The following MAD2L1 variants were observed in gnomAD, a reference collection of about 807,000 sequenced individuals.
The protein encoded by MAD2L1 is mitotic arrest deficient 2 like 1.
MAD2L1 carries 10 observed loss-of-function variants against 25.9 expected under a neutral mutation model. That is an observed-to-expected ratio of 0.39 (90% confidence interval 0.24 to 0.66). The LOEUF (loss-of-function observed/expected upper bound fraction) is 0.66. Among genes scored for constraint, MAD2L1 ranks in the 30% least tolerant of loss-of-function variants. The pLI is 0.49. For missense variants in MAD2L1, 180 were observed against 246.4 expected (o/e 0.73, Z 1.80); for synonymous variants, 81 against 91.8 (o/e 0.88, Z 0.67).
intron 2 of MAD2L1, among the ~76,000 whole-genome samples, chr4:120,063,766 C>T (rs1460021150): frequency 6.6e-6 from 1 of 152,182 alleles, no homozygotes; most frequent in African/African-American, 2.4e-5. Flanking sequence ...AATCCCAGCA[C>T]TTTGGGAGGC....
At position 120,058,264 on chromosome 4, in the gene MAD2L1, A is replaced by T. The variant is rs143168611; in HGVS notation, c.*1854T>A. 1.3e-5 allele frequency: 2 copies of T among 152,386 alleles called. No homozygotes were observed. The highest frequency in any genetic ancestry group is 3.9e-4 in the East Asian group (2 of 5,190). The allele number at this position is 152,386 out of a possible 1,614,324, so 9.4% of individuals were successfully genotyped here. On this transcript the variant is annotated 3_prime_UTR_variant, in exon 5 of 5. Coordinates refer to ENST00000296509, the MANE Select transcript of MAD2L1 (RefSeq NM_002358.4). ...GTAAATAGTAGCATGCAAATGATAC[A>T]AAAATCTAAGAATTTAATCCTGTTA...
At position 120,058,388 on chromosome 4, in the gene MAD2L1, T is replaced by C. The variant is rs1173494521; in HGVS notation, c.*1730A>G. 2 of 152,180 alleles carry C rather than the reference T, an allele frequency of 1.3e-5. No homozygotes were observed. Among genetic ancestry groups the C allele is most frequent in the Non-Finnish European group, 2.9e-5 (2 of 68,078 alleles). The allele number at this position is 152,180 out of a possible 1,614,324, so 9.4% of individuals were successfully genotyped here. On this transcript the variant is annotated 3_prime_UTR_variant, in exon 5 of 5. Transcript: ENST00000296509. Reference sequence around the variant, plus strand: ...GGCTCACGCCTGTAATCCCAATGCTTTGTGAGGTCAAGGCGGGCAGATCAT... The same window carrying C: ...GGCTCACGCCTGTAATCCCAATGCTCTGTGAGGTCAAGGCGGGCAGATCAT...
chr4:120,061,769 AATTAT>A (rs1291708264), intron 3 of MAD2L1, among the ~76,000 whole-genome samples: 1 of 152,164 alleles, frequency 6.6e-6, no homozygotes, highest in African/African-American at 2.4e-5. Flanking sequence ...ATTATGTTAA[AATTAT>A]ATTATATATA....
intron 1 of MAD2L1, 118 bp from the exon 2 acceptor site, chr4:120,065,936 C>T: frequency 2.1e-6 from 2 of 956,404 alleles, no homozygotes; most frequent in Non-Finnish European, 3.1e-6. Context: ...TGACTGAACA[C>T]ACGTGTATCT....
intron 2 of MAD2L1, 44 bp from the exon 3 acceptor site, chr4:120,062,139 T>C (rs762734369): frequency 6.3e-7 from 1 of 1,576,862 alleles, no homozygotes; most frequent in Admixed American, 1.8e-5. Flanking sequence ...GTCCACTGCA[T>C]CATAAAGTAG....
In MAD2L1 at chr4:120,065,808, G is replaced by A; in HGVS notation, c.84C>T (p.Ile28=). ...EIVAEFFSFG[I]NSILYQRGIY... ...TGCCACGCTGATATAAAATGCTGTT[G>A]ATGCCGAATGCTGCAAGCAAAAGAA... The change falls in exon 2 of 5, where the codon ATC becomes ATT. Residue 28 remains isoleucine (I), a synonymous_variant. Coordinates refer to ENST00000296509, the MANE Select transcript of MAD2L1 (RefSeq NM_002358.4). 1 of 1,613,124 alleles carries A rather than the reference G, an allele frequency of 6.2e-7. No individual in the cohort carries two copies. Among genetic ancestry groups the A allele is most frequent in the Non-Finnish European group, 8.5e-7 (1 of 1,179,690 alleles).
In MAD2L1 at chr4:120,065,715, A is replaced by C. The variant is rs1364589925; in HGVS notation, c.177T>G (p.Leu59=). 6.2e-7 allele frequency: 1 copy of C among 1,613,870 alleles called. No homozygotes were observed. Among genetic ancestry groups the C allele is most frequent in the African/African-American group, 1.3e-5 (1 of 74,932 alleles). ...CATTATTTAGGTATTTTATGAGCTC[A>C]AGATCAGTAGTTACAAGCAAGGTGA... is the stretch of plus-strand genomic sequence containing the variant. ...YGLTLLVTTD[L]ELIKYLNNVV... The change falls in exon 2 of 5, where the codon CTT becomes CTG. Residue 59 remains leucine (L), a synonymous_variant. Coordinates refer to ENST00000296509, the MANE Select transcript of MAD2L1 (RefSeq NM_002358.4).
Position 120,066,834 on chromosome 4 carries a change from G to T in MAD2L1, c.-100C>A, listed in dbSNP as rs942071436. 4.7e-6 allele frequency: 4 copies of T among 853,604 alleles called. No individual in the cohort carries two copies. Among genetic ancestry groups the T allele is most frequent in the Non-Finnish European group, 7.6e-6 (4 of 529,568 alleles). The allele number at this position is 853,604 out of a possible 1,614,324, so 52.9% of individuals were successfully genotyped here. A position where few individuals can be genotyped will look rare whatever the true frequency, so the allele number is the denominator to read the frequency against. On this transcript the variant is annotated 5_prime_UTR_variant, in exon 1 of 5. Coordinates refer to ENST00000296509, the MANE Select transcript of MAD2L1 (RefSeq NM_002358.4). ...CGCCAAGCGTTTCAAAAGTAACGAC[G>T]CAGCACGTCGTCAGGTCCTTTGCGC...
At position 120,066,761 on chromosome 4, in the gene MAD2L1, G is replaced by A. The variant is rs761723829; in HGVS notation, c.-27C>T. 1.3e-6 allele frequency: 2 copies of A among 1,561,480 alleles called. No homozygotes were observed. The highest frequency in any genetic ancestry group is 1.8e-6 in the Non-Finnish European group (2 of 1,138,014). On this transcript the variant is annotated 5_prime_UTR_variant, in exon 1 of 5. Coordinates refer to ENST00000296509, the MANE Select transcript of MAD2L1 (RefSeq NM_002358.4). ...GCCAGGGACACAAACAAAAGCACGC[G>A]CTTCCACTCCGCGGACAGCAACCAC... is the stretch of plus-strand genomic sequence containing the variant.
Position 120,060,205 on chromosome 4 carries a change from A to G in MAD2L1, c.531T>C (p.Asn177=). The part of the protein sequence containing the change: ...WEESGPQFIT[N]SEEVRLRSFT... ...ATGAACGAAGGCGGACTTCCTCAGA[A>G]TTGGTAATAAACTGTGGTCCCGACT... is the stretch of plus-strand genomic sequence containing the variant. The change falls in exon 5 of 5, where the codon AAT becomes AAC. Residue 177 remains asparagine (N), a synonymous_variant. Transcript: ENST00000296509. The G allele has an allele frequency of 6.2e-7, 1 of 1,612,918 alleles. No homozygotes were observed. The highest frequency in any genetic ancestry group is 1.7e-5 in the Admixed American group (1 of 60,022).
At position 120,065,836 on chromosome 4, in the gene MAD2L1, G is replaced by A. The variant is rs1165996843; in HGVS notation, c.74-18C>T. On this transcript the variant is annotated intron_variant, in intron 1 of 4. Coordinates refer to ENST00000296509, the MANE Select transcript of MAD2L1 (RefSeq NM_002358.4). ...GCCGAATGCTGCAAGCAAAAGAAAT[G>A]TTACAGAAAATTCATTATCCCTGCA... is the stretch of plus-strand genomic sequence containing the variant. 6.2e-7 allele frequency: 1 copy of A among 1,610,178 alleles called. No individual in the cohort carries two copies. Among genetic ancestry groups the A allele is most frequent in the South Asian group, 1.1e-5 (1 of 90,570 alleles).
Position 120,065,732 on chromosome 4 carries a change from G to A in MAD2L1, c.160C>T (p.Leu54Phe). 1 of 1,613,738 alleles carries A rather than the reference G, an allele frequency of 6.2e-7. No homozygotes were observed. The highest frequency in any genetic ancestry group is 8.5e-7 in the Non-Finnish European group (1 of 1,179,748). The change falls in exon 2 of 5, where the codon CTT becomes TTT. Residue 54 changes from leucine to phenylalanine, a missense_variant. By Grantham distance (22) the Leu-to-Phe change is conservative. Transcript: ENST00000296509. Reference sequence around the variant, plus strand: ...ATGAGCTCAAGATCAGTAGTTACAAGCAAGGTGAGTCCGTATTTCTGCACT... The same window carrying A: ...ATGAGCTCAAGATCAGTAGTTACAAACAAGGTGAGTCCGTATTTCTGCACT... ...TRVQKYGLTL[L>F]VTTDLELIKY...
chr4:120,063,592 A>G (rs1726261355), intron 2 of MAD2L1, among the ~76,000 whole-genome samples: 1 of 152,202 alleles, frequency 6.6e-6, no homozygotes, highest in Non-Finnish European at 1.5e-5. Context: ...CTCTTCCTTT[A>G]AAACTGGAGA....
At chr4:120,065,581 T>C in intron 2 of MAD2L1, 91 bp downstream of exon 2, 1 of 1,068,740 alleles carries the variant, frequency 9.4e-7, no homozygotes, top group East Asian at 2.4e-5. Flanking sequence ...ATTTGAGATG[T>C]CAGTACACTT....
At position 120,057,066 on chromosome 4, in the gene MAD2L1, A is replaced by G. The variant is rs1325915035; in HGVS notation, c.*3052T>C. On this transcript the variant is annotated 3_prime_UTR_variant, in exon 5 of 5. Coordinates refer to ENST00000296509, the MANE Select transcript of MAD2L1 (RefSeq NM_002358.4). ...ATCTGTTACAGGACTGGTAAGCTAC[A>G]ACCCTGGGGCCGAAGCAAACAGCCA... 2 of 152,250 alleles carry G rather than the reference A, an allele frequency of 1.3e-5. No homozygotes were observed. The highest frequency in any genetic ancestry group is 2.9e-5 in the Non-Finnish European group (2 of 68,056). 9.4% of individuals were successfully genotyped at this position (152,250 alleles called of 1,614,324 possible).
rs774203629 is a variant in MAD2L1, at chr4:120,061,052, T to A, written c.342-75A>T. ...TATTTCAAACATAGTGGTTAGATTA[T>A]TTATCTGATTAAATGCTCTCAACAT... On this transcript the variant is annotated intron_variant, in intron 3 of 4. Transcript: ENST00000296509. The A allele has an allele frequency of 2.7e-4, 221 of 833,910 alleles. No individual in the cohort carries two copies. The Middle Eastern group carries it at 4.3e-3, about 16-fold the overall frequency. 51.7% of individuals were successfully genotyped at this position (833,910 alleles called of 1,614,324 possible). A position where few individuals can be genotyped will look rare whatever the true frequency, so the allele number is the denominator to read the frequency against.
chr4:120,066,650 G>A lies in MAD2L1; in HGVS notation c.73+12C>T, dbSNP rs1202355101. On this transcript the variant is annotated intron_variant, in intron 1 of 4. Transcript: ENST00000296509. ...CGTTCCCCCCGATATATTGGCCTGC[G>A]CGAGAACTTACAGAAGAACTCGGCC... The A allele has an allele frequency of 6.3e-7, 1 of 1,599,800 alleles. No individual in the cohort carries two copies. Among genetic ancestry groups the A allele is most frequent in the East Asian group, 2.3e-5 (1 of 44,368 alleles).
chr4:120,066,825 A>C lies in MAD2L1; in HGVS notation c.-91T>G. On this transcript the variant is annotated 5_prime_UTR_variant, in exon 1 of 5. Coordinates refer to ENST00000296509, the MANE Select transcript of MAD2L1 (RefSeq NM_002358.4). Reference sequence around the variant, plus strand: ...GCACTTCCCCGCCAAGCGTTTCAAAAGTAACGACGCAGCACGTCGTCAGGT... The same window carrying C: ...GCACTTCCCCGCCAAGCGTTTCAAACGTAACGACGCAGCACGTCGTCAGGT... The C allele has an allele frequency of 1.0e-6, 1 of 956,132 alleles. No individual in the cohort carries two copies. The highest frequency in any genetic ancestry group is 1.5e-5 in the South Asian group (1 of 67,494). The allele number at this position is 956,132 out of a possible 1,614,324, so 59.2% of individuals were successfully genotyped here. A position where few individuals can be genotyped will look rare whatever the true frequency, so the allele number is the denominator to read the frequency against.
Position 120,065,690 on chromosome 4 carries a change from C to A in MAD2L1, c.202G>T (p.Val68Leu). Residue 68 changes from valine to leucine, a missense_variant, in exon 2 of 5, where the codon GTG becomes TTG. Physicochemically the swap from Val to Leu is conservative, Grantham distance 32. Coordinates refer to ENST00000296509, the MANE Select transcript of MAD2L1 (RefSeq NM_002358.4). ...AAAATACCTTTCAGTTGTTCCACCACATTATTTAGGTATTTTATGAGCTCA... is the reference window on the plus strand; with the variant it reads ...AAAATACCTTTCAGTTGTTCCACCAAATTATTTAGGTATTTTATGAGCTCA... The part of the protein sequence containing the change: ...DLELIKYLNN[V>L]VEQLKDWLYK... 2 of 1,613,564 alleles carry A rather than the reference C, an allele frequency of 1.2e-6. No homozygotes were observed. The highest frequency in any genetic ancestry group is 1.7e-6 in the Non-Finnish European group (2 of 1,179,868).
Sources: gnomAD v4.1 joint callset for allele counts (sites outside exome capture counted in the v4.1 genomes callset) on GRCh38, gnomAD v4.1.1 for gene constraint, MANE v1.5 for transcripts, NCBI Gene and HGNC (gene_info 2026-07-23, HGNC 2026-07-21) for gene names.